The following NIM1K variants were observed in gnomAD, a reference collection of about 807,000 sequenced individuals.
NIM1K encodes serine/threonine-protein kinase NIM1.
In NIM1K, 35 loss-of-function variants were observed where a neutral mutation model predicts 37.1. That is an observed-to-expected ratio of 0.94 (90% CI 0.72 to 1.25). The LOEUF is 1.25. Ranked by LOEUF, NIM1K falls within the 50% of genes most tolerant of loss-of-function variation. NIM1K has a pLI of 0.00. For missense variants in NIM1K, 564 were observed against 548.0 expected, an observed-to-expected ratio of 1.03 and a Z score of -0.29; for synonymous variants, 234 against 206.6, an observed-to-expected ratio of 1.13 and a Z score of -1.14.
At position 43,206,643 on chromosome 5, in the gene NIM1K, C is replaced by T. The variant is rs1752117014; in HGVS notation, c.-695+14232C>T. ...GGTGCAGCGCACTCCCTGCCTGCTGCAGCCTGACTCGGCCCCCCAGTCTCC... is the reference window on the plus strand; with the variant it reads ...GGTGCAGCGCACTCCCTGCCTGCTGTAGCCTGACTCGGCCCCCCAGTCTCC... On this transcript the variant is annotated intron_variant, in intron 1 of 3. Coordinates refer to ENST00000326035, the MANE Select transcript of NIM1K (RefSeq NM_153361.4). The T allele has an allele frequency of 1.3e-5, 9 of 674,592 alleles. No individual in the cohort carries two copies. In the South Asian group the frequency reaches 1.4e-4, roughly 10 times the overall value. 41.8% of individuals were successfully genotyped at this position (674,592 alleles called of 1,614,324 possible).
intron 2 of NIM1K, 66 bp from the exon 3 acceptor site, chr5:43,276,991 G>C: frequency 6.6e-7 from 1 of 1,514,738 alleles, no homozygotes; most frequent in Non-Finnish European, 9.0e-7. Flanking sequence ...AGCTGATCCA[G>C]GTCCTCTCCA....
intron 1 of NIM1K, among the ~76,000 whole-genome samples, chr5:43,220,473 A>G (rs1752365342): frequency 1.3e-5 from 2 of 151,916 alleles, no homozygotes; most frequent in African/African-American, 4.8e-5. Context: ...TTTAATAGAG[A>G]CAGAGTTTCA....
At chr5:43,215,866 T>C (rs571663473) in intron 1 of NIM1K, among the ~76,000 whole-genome samples, 55 of 152,358 alleles carry the variant, frequency 3.6e-4, no homozygotes, top group Admixed American at 2.2e-3. Flanking sequence ...CAGTAATCCC[T>C]ACGTTATTAC....
At chr5:43,203,080 G>T (rs1318479128) in intron 1 of NIM1K, among the ~76,000 whole-genome samples, 1 of 151,926 alleles carries the variant, frequency 6.6e-6, no homozygotes, top group Non-Finnish European at 1.5e-5. Flanking sequence ...GCTCCTAACC[G>T]CCTTCCACCA....
intron 2 of NIM1K, among the ~76,000 whole-genome samples, chr5:43,262,469 C>T (rs1432379860): frequency 2.6e-5 from 4 of 152,200 alleles, no homozygotes; most frequent in African/African-American, 9.7e-5. Flanking sequence ...TATCCTGAGA[C>T]TTTGCTGAAG....
At chr5:43,273,365 G>A (rs957249848) in intron 2 of NIM1K, among the ~76,000 whole-genome samples, 2 of 151,904 alleles carry the variant, frequency 1.3e-5, no homozygotes, top group Non-Finnish European at 2.9e-5. Flanking sequence ...CACCATGCCT[G>A]GCTAATTTTT....
At chr5:43,267,319 T>G (rs190815474) in intron 2 of NIM1K, among the ~76,000 whole-genome samples, 1 of 152,356 alleles carries the variant, frequency 6.6e-6, no homozygotes, top group East Asian at 1.9e-4. Flanking sequence ...CTATTTTCAT[T>G]TCTAATTGAA....
chr5:43,197,328 G>C (rs898730509), intron 1 of NIM1K, among the ~76,000 whole-genome samples: 6 of 149,126 alleles, frequency 4.0e-5, no homozygotes, highest in East Asian at 2.0e-4. Flanking sequence ...TCGGTGGTAG[G>C]GGGGGCGGGC....
rs548636259 is a variant in NIM1K at position 43,207,393 on chromosome 5, C to T, written c.-695+14982C>T. On this transcript the variant is annotated intron_variant, in intron 1 of 3. Coordinates refer to ENST00000326035, the MANE Select transcript of NIM1K (RefSeq NM_153361.4). ...AGATGAAAGAAATATATGCGAAAAACGTGTGGCGATGTCTTAGACAATCTT... is the reference window on the plus strand; with the variant it reads ...AGATGAAAGAAATATATGCGAAAAATGTGTGGCGATGTCTTAGACAATCTT... 62 of 852,968 alleles carry T rather than the reference C, an allele frequency of 7.3e-5. 1 individual carries two copies. Among genetic ancestry groups the T allele is most frequent in the African/African-American group, 7.0e-4 (42 of 60,300 alleles). 52.8% of individuals were successfully genotyped at this position (852,968 alleles called of 1,614,324 possible). A position where few individuals can be genotyped will look rare whatever the true frequency, so the allele number is the denominator to read the frequency against.
chr5:43,247,510 T>C (rs1336955711), intron 2 of NIM1K, among the ~76,000 whole-genome samples: 2 of 152,218 alleles, frequency 1.3e-5, no homozygotes, highest in African/African-American at 2.4e-5. Context: ...GCAGCTGCCA[T>C]GCCCTACAGC....
At chr5:43,279,793 T>C (rs931807938) in intron 3 of NIM1K, among the ~76,000 whole-genome samples, 187 bp from the exon 4 acceptor site, 12 of 152,250 alleles carry the variant, frequency 7.9e-5, no homozygotes, top group African/African-American at 2.9e-4. Context: ...AACTTTGGTC[T>C]ATTTGGGGAG....
At chr5:43,217,268 CA>C (rs1291443878) in intron 1 of NIM1K, among the ~76,000 whole-genome samples, 1 of 152,048 alleles carries the variant, frequency 6.6e-6, no homozygotes, top group Non-Finnish European at 1.5e-5. Flanking sequence ...GTAATGTTTT[CA>C]AGAGTCATTC....
chr5:43,235,043 A>G (rs1752600740), intron 1 of NIM1K, among the ~76,000 whole-genome samples: 1 of 152,266 alleles, frequency 6.6e-6, no homozygotes, highest in African/African-American at 2.4e-5. Context: ...TTTAAACTGC[A>G]TTTATAATTT....
At chr5:43,198,214 T>C (rs1260765987) in intron 1 of NIM1K, among the ~76,000 whole-genome samples, 1 of 93,744 alleles carries the variant, frequency 1.1e-5, no homozygotes, top group East Asian at 2.7e-4. Flanking sequence ...TTTCTCTTTC[T>C]TTCTTTCTTT....
intron 1 of NIM1K, among the ~76,000 whole-genome samples, chr5:43,197,575 G>A (rs940007581): frequency 1.1e-4 from 16 of 152,262 alleles, no homozygotes; most frequent in African/African-American, 2.9e-4. Flanking sequence ...AATCAACAGC[G>A]CCAGCCCTTG....
At chr5:43,201,776 T>C (rs1752023794) in intron 1 of NIM1K, among the ~76,000 whole-genome samples, 2 of 151,946 alleles carry the variant, frequency 1.3e-5, no homozygotes, top group Non-Finnish European at 2.9e-5. Context: ...CTGGCCAACA[T>C]GGTGAAACCC....
At chr5:43,234,776 A>G (rs1379329934) in intron 1 of NIM1K, among the ~76,000 whole-genome samples, 4 of 152,124 alleles carry the variant, frequency 2.6e-5, no homozygotes, top group African/African-American at 7.2e-5. Context: ...CGGGGATTAC[A>G]GGTGTCTGCC....
intron 1 of NIM1K, among the ~76,000 whole-genome samples, chr5:43,196,047 C>T (rs1419241126): frequency 6.6e-6 from 1 of 152,098 alleles, no homozygotes; most frequent in African/African-American, 2.4e-5. Flanking sequence ...GAGGCCTTAG[C>T]GGCAGATCTT....
At chr5:43,198,204 T>TC (rs1751956411) in intron 1 of NIM1K, among the ~76,000 whole-genome samples, 3 of 46,714 alleles carry the variant, frequency 6.4e-5, no homozygotes, top group Non-Finnish European at 9.0e-5. Context: ...TCTTTCTTTC[T>TC]TTCTCTTTCT....
Sources: gnomAD v4.1 joint callset for allele counts (sites outside exome capture counted in the v4.1 genomes callset) on GRCh38, gnomAD v4.1.1 for gene constraint, MANE v1.5 for transcripts, NCBI Gene and HGNC (gene_info 2026-07-23, HGNC 2026-07-21) for gene names.